The following MCEE variants were observed in gnomAD, a reference collection of about 807,000 sequenced individuals.
The protein encoded by MCEE is methylmalonyl-CoA epimerase, mitochondrial.
Under a neutral mutation model 12.9 loss-of-function variants are expected in MCEE, and 6 were observed. The ratio of observed to expected loss-of-function variants is 0.47; its 90% CI spans 0.26 to 0.92. The LOEUF is 0.92. Ranked by LOEUF, MCEE falls within the 40% of genes least tolerant of loss-of-function variation. The pLI, the probability that MCEE is intolerant of heterozygous loss-of-function variation, is 0.16. For missense variants in MCEE, 214 were observed against 212.1 expected, an observed-to-expected ratio of 1.01 and a Z score of -0.05; for synonymous variants, 78 against 77.9, an observed-to-expected ratio of 1.00 and a Z score of -0.01.
chr2:71,124,708 C>G (rs1673182148), intron 1 of MCEE, among the ~76,000 whole-genome samples, 165 bp from the exon 2 acceptor site: 1 of 151,950 alleles, frequency 6.6e-6, no homozygotes, highest in Non-Finnish European at 1.5e-5. Context: ...AAACTTACAT[C>G]AGAATTACTC....
At chr2:71,126,143 C>T (rs868457160) in intron 1 of MCEE, among the ~76,000 whole-genome samples, 1 of 152,304 alleles carries the variant, frequency 6.6e-6, no homozygotes, top group Middle Eastern at 3.4e-3. Context: ...AGTCACAGCA[C>T]TAGGCCAGTG....
chr2:71,114,382 T>C (rs188668576), intron 2 of MCEE, among the ~76,000 whole-genome samples: 1 of 152,030 alleles, frequency 6.6e-6, no homozygotes, highest in African/African-American at 2.4e-5. Flanking sequence ...AAATCCTAGA[T>C]GGGATCCTGG....
intron 2 of MCEE, among the ~76,000 whole-genome samples, chr2:71,113,403 C>T (rs1263289944): frequency 2.0e-5 from 3 of 152,116 alleles, no homozygotes; most frequent in Non-Finnish European, 4.4e-5. Flanking sequence ...ATCTTGGCTT[C>T]TAATACCATT....
chr2:71,124,186 CATTAAAATA>C lies in MCEE; in HGVS notation c.378+11_378+19del. ...TAAAAGAGAGATTTAAAATACCAGG[CATTAAAATA>C]ATTAAAATACCTCGATGCAGATGTG... On this transcript the variant is annotated intron_variant, in intron 2 of 2. Transcript: ENST00000244217. The C allele has an allele frequency of 3.9e-6, 6 of 1,541,546 alleles. No homozygotes were observed. In the East Asian group the frequency reaches 9.0e-5, roughly 23 times the overall value.
At chr2:71,129,368 C>T (rs72903588) in intron 1 of MCEE, among the ~76,000 whole-genome samples, 6,195 of 152,102 alleles carry the variant, frequency 0.041, 383 homozygotes, top group African/African-American at 0.13. Context: ...AGAATGTGGG[C>T]TCTGGTGCTA....
chr2:71,119,408 T>C (rs6743764), intron 2 of MCEE, among the ~76,000 whole-genome samples: 44,585 of 150,002 alleles, frequency 0.3, 9,188 homozygotes, highest in East Asian at 0.66. Context: ...TATAACCTTA[T>C]GGGACCTCAT....
intron 2 of MCEE, chr2:71,111,004 G>T (rs538413382): frequency 6.6e-6 from 1 of 152,166 alleles, no homozygotes; most frequent in African/African-American, 2.4e-5. Context: ...CTACCATTCA[G>T]ATCTAATAAA....
At chr2:71,112,445 T>TC (rs1672907023) in intron 2 of MCEE, among the ~76,000 whole-genome samples, 8 of 139,102 alleles carry the variant, frequency 5.8e-5, no homozygotes, top group Middle Eastern at 4.1e-3. Context: ...TTTTTTTTTT[T>TC]TTTTTTTTGA....
intron 2 of MCEE, among the ~76,000 whole-genome samples, chr2:71,118,009 C>T (rs1572888286): frequency 6.7e-6 from 1 of 150,262 alleles, no homozygotes; most frequent in African/African-American, 2.5e-5. Context: ...AGGCCTGTTA[C>T]CCCATGTGAG....
intron 2 of MCEE, among the ~76,000 whole-genome samples, chr2:71,112,264 G>A (rs1672900887): frequency 6.6e-6 from 1 of 151,946 alleles, no homozygotes; most frequent in South Asian, 2.1e-4. Flanking sequence ...AGCCTCCAGA[G>A]TAGCTGGGAC....
At chr2:71,125,188 A>AATATATATAT (rs67615436) in intron 1 of MCEE, among the ~76,000 whole-genome samples, 13 of 65,678 alleles carry the variant, frequency 2.0e-4, no homozygotes, top group Non-Finnish European at 3.6e-4. Flanking sequence ...TATATATATA[A>AATATATATAT]ATATATATAT....
intron 2 of MCEE, among the ~76,000 whole-genome samples, chr2:71,114,140 A>G (rs72903566): frequency 0.018 from 2,769 of 152,322 alleles, 92 homozygotes; most frequent in African/African-American, 0.062. Flanking sequence ...GCCACATGCA[A>G]GAGGAGCCTC....
chr2:71,115,582 C>A (rs1040611589), intron 2 of MCEE, among the ~76,000 whole-genome samples: 1 of 150,378 alleles, frequency 6.6e-6, no homozygotes, highest in Non-Finnish European at 1.5e-5. Flanking sequence ...ATTAAAATGT[C>A]TTAATTTTCT....
At chr2:71,112,682 C>T (rs1408288561) in intron 2 of MCEE, among the ~76,000 whole-genome samples, 2 of 152,100 alleles carry the variant, frequency 1.3e-5, no homozygotes, top group Non-Finnish European at 1.5e-5. Flanking sequence ...GTGATCTGCC[C>T]GACTTGGCCT....
At position 71,109,832 on chromosome 2, in the gene MCEE, T is replaced by G. The variant is rs991012145; in HGVS notation, c.*138A>C. On this transcript the variant is annotated 3_prime_UTR_variant, in exon 3 of 3. Transcript: ENST00000244217. ...TTATGTATTTATATATGTATATATT[T>G]TAATCTTTCTGTAATTCAGTCTTTA... The G allele has an allele frequency of 2.7e-5, 18 of 670,776 alleles. No homozygotes were observed. The South Asian group carries it at 3.3e-4, about 12-fold the overall frequency. 41.6% of individuals were successfully genotyped at this position (670,776 alleles called of 1,614,324 possible).
In MCEE at chr2:71,124,466, C is replaced by T. The variant is rs770516763; in HGVS notation, c.118G>A (p.Gly40Ser). The T allele has an allele frequency of 8.7e-6, 14 of 1,614,048 alleles. No homozygotes were observed. The change falls in exon 2 of 3, where the codon GGT becomes AGT. Residue 40 changes from glycine (G) to serine (S), a missense_variant. Coordinates refer to ENST00000244217, the MANE Select transcript of MCEE (RefSeq NM_032601.4). ...STSQPLDQVT[G>S]SVWNLGRLNH... is the part of the protein sequence containing the mutation. ...AGTCGACCCAGGTTCCACACAGAAC[C>T]TGTCACTTGATCCAAGGGCTGTGAT...
At chr2:71,129,243 A>C (rs1673309695) in intron 1 of MCEE, among the ~76,000 whole-genome samples, 1 of 152,184 alleles carries the variant, frequency 6.6e-6, no homozygotes, top group Non-Finnish European at 1.5e-5. Flanking sequence ...TCAATCATTA[A>C]AGTGTGCAGT....
chr2:71,129,672 T>C (rs1673324728), intron 1 of MCEE: 1 of 177,586 alleles, frequency 5.6e-6, no homozygotes, highest in Admixed American at 5.5e-5. Context: ...AATATATTAG[T>C]GCACGTGGAA....
In MCEE at chr2:71,124,230, T is replaced by A; in HGVS notation, c.354A>T (p.Gly118=). The change falls in exon 2 of 3, where the codon GGA becomes GGT. Residue 118 remains glycine (G), a synonymous_variant. Transcript: ENST00000244217. ...CCTCGATGCAGATGTGATGCATTCC[T>A]CCAGCCTTGTTTTTCTGCAGAAAAC... The part of the protein sequence containing the change: ...IAGFLQKNKA[G]GMHHICIEVD... The A allele has an allele frequency of 1.2e-6, 2 of 1,613,832 alleles. No homozygotes were observed. The highest frequency in any genetic ancestry group is 2.7e-5 in the African/African-American group (2 of 75,058).
Sources: gnomAD v4.1 joint callset for allele counts (sites outside exome capture counted in the v4.1 genomes callset) on GRCh38, gnomAD v4.1.1 for gene constraint, MANE v1.5 for transcripts, NCBI Gene and HGNC (gene_info 2026-07-23, HGNC 2026-07-21) for gene names.